PPP2R5C: variants seen among roughly 807,000 people sequenced by gnomAD.
The protein encoded by PPP2R5C is protein phosphatase 2 regulatory subunit B'gamma, also known as serine/threonine-protein phosphatase 2A 56 kDa regulatory subunit gamma isoform.
A neutral mutation model predicts 68.9 loss-of-function variants in PPP2R5C; 7 were observed. That is an observed-to-expected ratio of 0.10 (90% CI 0.06 to 0.19). The LOEUF is 0.19. Ranked by LOEUF, PPP2R5C falls within the 10% of genes least tolerant of loss-of-function variation. The probability of loss-of-function intolerance (pLI) is 1.00; values close to 1 mark genes in which losing one functional copy is unlikely to be tolerated. For missense variants in PPP2R5C, 348 were observed against 641.3 expected, an observed-to-expected ratio of 0.54 and a Z score of 4.94; for synonymous variants, 210 against 222.2, an observed-to-expected ratio of 0.95 and a Z score of 0.49.
chr14:101,828,958 C>A (rs1355269115), intron 1 of PPP2R5C, among the ~76,000 whole-genome samples: 1 of 152,194 alleles, frequency 6.6e-6, no homozygotes, highest in Admixed American at 6.5e-5. Flanking sequence ...AGAGTACAGG[C>A]GCAAGCCACC....
chr14:101,906,685 G>T lies in PPP2R5C; in HGVS notation c.1151+156G>T. ...ACTCATAAATTAAGTAGCAGCGTGG[G>T]TTGTTTCTGTGGCCGTTGAATTTAC... On this transcript the variant is annotated intron_variant, in intron 10 of 13. Transcript: ENST00000334743. This position sits in a 1 kb window ranked among gnomAD's most constrained non-coding sequence, Gnocchi z 4.0. The T allele has an allele frequency of 9.7e-7, 1 of 1,036,170 alleles. No homozygotes were observed. Among genetic ancestry groups the T allele is most frequent in the Non-Finnish European group, 1.4e-6 (1 of 736,098 alleles). The allele number at this position is 1,036,170 out of a possible 1,614,324, so 64.2% of individuals were successfully genotyped here.
chr14:101,893,685 GGT>G (rs2045116185), intron 7 of PPP2R5C, among the ~76,000 whole-genome samples: 1 of 152,226 alleles, frequency 6.6e-6, no homozygotes, highest in Non-Finnish European at 1.5e-5. Context: ...GGGAGGCGGA[GGT>G]TGCAGTGAGC....
intron 8 of PPP2R5C, among the ~76,000 whole-genome samples, chr14:101,897,633 G>C (rs758442778): frequency 1.3e-5 from 2 of 151,982 alleles, no homozygotes; most frequent in Non-Finnish European, 2.9e-5. Context: ...CTCTCTGGCA[G>C]CTTAGGTGGT....
chr14:101,866,236 C>T (rs1347774412), intron 2 of PPP2R5C, among the ~76,000 whole-genome samples: 3 of 152,188 alleles, frequency 2.0e-5, no homozygotes, highest in Non-Finnish European at 4.4e-5. Flanking sequence ...GGAACTACTT[C>T]ATAGAGAGTT....
intron 1 of PPP2R5C, among the ~76,000 whole-genome samples, chr14:101,841,838 G>A (rs4906152): frequency 0.074 from 11,228 of 152,238 alleles, 454 homozygotes; most frequent in Middle Eastern, 0.14. Context: ...GGCTGGAGTC[G>A]TGCAGTCCCT....
At chr14:101,898,991 C>T (rs1409097306) in intron 8 of PPP2R5C, among the ~76,000 whole-genome samples, 2 of 152,164 alleles carry the variant, frequency 1.3e-5, no homozygotes, top group Non-Finnish European at 2.9e-5. Context: ...CAAAGGGACT[C>T]CTGAAGCCAT....
intron 1 of PPP2R5C, among the ~76,000 whole-genome samples, chr14:101,816,795 A>T (rs2039698639): frequency 6.7e-6 from 1 of 150,056 alleles, no homozygotes; most frequent in Non-Finnish European, 1.5e-5. Context: ...TATACAATAT[A>T]CAATTATTCA....
In PPP2R5C at chr14:101,777,451, G is replaced by A. The variant is rs375295678; in HGVS notation, c.94-8567G>A. Among the ~76,000 whole-genome samples the A allele has an allele frequency of 2.6e-5, 4 of 151,986 alleles. No individual in the cohort carries two copies. The East Asian group carries it at 7.8e-4, about 30-fold the overall frequency. On this transcript the variant is annotated intron_variant, in intron 2 of 14. Transcript: ENST00000328724. ...TGCAACCTCTAACTCCTGGGTTCAA[G>A]CGATTCTCCTGCCTCAGCCTCCCAA... is the stretch of plus-strand genomic sequence containing the variant.
chr14:101,779,733 AGCAGGGG>A lies in PPP2R5C; in HGVS notation c.94-6284_94-6278del, dbSNP rs371482272. The stretch of plus-strand genomic sequence containing the variant: ...AGTGGGGAGCCACTGGCATCTTGTG[AGCAGGGG>A]AATGGTCTGATGGACCTTTAGAAAG... On this transcript the variant is annotated intron_variant, in intron 2 of 14. Transcript: ENST00000328724. Among the ~76,000 whole-genome samples, 45 of 152,244 alleles carry A rather than the reference AGCAGGGG, an allele frequency of 3.0e-4. 1 individual carries two copies. The highest frequency in any genetic ancestry group is 1.1e-3 in the African/African-American group (44 of 41,536).
At chr14:101,764,038 C>CGCGCGCGCGCGGGGGT (rs140548459) in intron 2 of PPP2R5C, among the ~76,000 whole-genome samples, 1 of 151,934 alleles carries the variant, frequency 6.6e-6, no homozygotes, top group Admixed American at 6.5e-5. Flanking sequence ...TGGGCGCGCG[C>CGCGCGCGCGCGGGGGT]ACTTGCGCGT....
At chr14:101,822,677 A>C (rs2040154321) in intron 1 of PPP2R5C, among the ~76,000 whole-genome samples, 1 of 152,208 alleles carries the variant, frequency 6.6e-6, no homozygotes, top group Admixed American at 6.5e-5. Context: ...TGGCCTTTTG[A>C]AGACATATAA....
chr14:101,904,404 C>T (rs1483020244), intron 9 of PPP2R5C, among the ~76,000 whole-genome samples: 1 of 152,190 alleles, frequency 6.6e-6, no homozygotes, highest in Non-Finnish European at 1.5e-5. Context: ...CCTGCCTCGG[C>T]CTCCCAAAGT....
chr14:101,819,013 T>A (rs1461181251), intron 1 of PPP2R5C: 1 of 1,551,308 alleles, frequency 6.4e-7, no homozygotes, highest in Non-Finnish European at 8.7e-7. Context: ...TGAAGAACCC[T>A]CAAGCCCTAA....
rs1032046075 is a variant in PPP2R5C at position 101,819,389 on chromosome 14, G to A, written c.94+9353G>A. ...CTAATTTACCTCTCACTGTGTGGACGTTTGCCCTGGTGGTGCAAAGGCAAT... is the reference window on the plus strand; with the variant it reads ...CTAATTTACCTCTCACTGTGTGGACATTTGCCCTGGTGGTGCAAAGGCAAT... On this transcript the variant is annotated intron_variant, in intron 1 of 13. Coordinates refer to ENST00000334743, the Ensembl canonical transcript of PPP2R5C. 26 of 292,752 alleles carry A rather than the reference G, an allele frequency of 8.9e-5. No individual in the cohort carries two copies. In the East Asian group the frequency reaches 1.2e-3, roughly 14 times the overall value. 18.1% of individuals were successfully genotyped at this position (292,752 alleles called of 1,614,324 possible). A position where few individuals can be genotyped will look rare whatever the true frequency, so the allele number is the denominator to read the frequency against.
exon 14 of PPP2R5C, chr14:101,925,177 C>A (rs767439597): frequency 6.2e-7 from 1 of 1,614,130 alleles, no homozygotes; most frequent in East Asian, 2.2e-5. Context: ...TCCTCTTGCA[C>A]GCCGCAAGTC....
chr14:101,808,495 A>G (rs1480251146), upstream of PPP2R5C, among the ~76,000 whole-genome samples: 1 of 152,102 alleles, frequency 6.6e-6, no homozygotes, highest in Admixed American at 6.5e-5. Context: ...TTTAGTTGCT[A>G]TTGATACACA....
intron 3 of PPP2R5C, among the ~76,000 whole-genome samples, chr14:101,801,474 A>T (rs1390649574): frequency 6.6e-6 from 1 of 152,136 alleles, no homozygotes; most frequent in Admixed American, 6.5e-5. Flanking sequence ...TTATATTTTC[A>T]TTTTATACAT....
At chr14:101,889,128 C>T (rs2044696408) in intron 5 of PPP2R5C, among the ~76,000 whole-genome samples, 2 of 152,230 alleles carry the variant, frequency 1.3e-5, no homozygotes, top group Admixed American at 1.3e-4. Flanking sequence ...AAATATTTCA[C>T]ATCTGTGGAT....
At chr14:101,771,190 TTTA>T (rs1302937019) in intron 2 of PPP2R5C, among the ~76,000 whole-genome samples, 8 of 151,514 alleles carry the variant, frequency 5.3e-5, no homozygotes, top group African/African-American at 1.9e-4. Flanking sequence ...AAAAAAATGC[TTTA>T]TTAAGGGCAT....
Sources: allele counts gnomAD v4.1 joint callset (sites outside exome capture counted in the v4.1 genomes callset), GRCh38; gene constraint gnomAD v4.1.1; non-coding constraint Gnocchi (gnomAD v3.1); transcripts MANE v1.5; gene names NCBI Gene and HGNC (gene_info 2026-07-23, HGNC 2026-07-21).